GLB1L3: variants seen among roughly 807,000 people sequenced by gnomAD.
GLB1L3 encodes the protein galactosidase beta 1 like 3, also known as beta-galactosidase-1-like protein 3.
In GLB1L3, 89 loss-of-function variants were observed where a neutral mutation model predicts 89.5. That is an observed-to-expected ratio of 0.99 (90% confidence interval 0.84 to 1.19). The LOEUF (loss-of-function observed/expected upper bound fraction) is 1.19. Ranked by LOEUF, GLB1L3 falls within the 50% of genes most tolerant of loss-of-function variation. The pLI, the probability that GLB1L3 is intolerant of heterozygous loss-of-function variation, is 0.00. For synonymous variants in GLB1L3, 314 were observed against 312.3 expected, an observed-to-expected ratio of 1.01 and a Z score of -0.06; for missense variants, 812 against 813.3, an observed-to-expected ratio of 1.00 and a Z score of 0.02.
chr11:134,312,974 C>T (rs1365238518), intron 15 of GLB1L3, 87 bp downstream of exon 15: 3 of 919,162 alleles, frequency 3.3e-6, no homozygotes, highest in Non-Finnish European at 5.3e-6. Flanking sequence ...CCTCCCTTCT[C>T]CACCCCTGCT....
At chr11:134,284,730 AAAAAC>A (rs1940888496) in intron 6 of GLB1L3, among the ~76,000 whole-genome samples, 1 of 152,032 alleles carries the variant, frequency 6.6e-6, no homozygotes, top group Middle Eastern at 3.2e-3. Flanking sequence ...CTCTGTCTCA[AAAAAC>A]AAAACGAAAC....
At chr11:134,323,424 CAA>C (rs1285986334), downstream of GLB1L3, among the ~76,000 whole-genome samples, 1 of 141,282 alleles carries the variant, frequency 7.1e-6, no homozygotes, top group East Asian at 2.0e-4. Context: ...CACACACACA[CAA>C]TTAGTCGGCC....
chr11:134,290,388 C>T (rs1941280780), intron 7 of GLB1L3, among the ~76,000 whole-genome samples: 1 of 152,020 alleles, frequency 6.6e-6, no homozygotes, highest in Non-Finnish European at 1.5e-5. Flanking sequence ...GCCTGGCCAA[C>T]GTGTCAAAAC....
At chr11:134,319,759 T>C (rs985172973), downstream of GLB1L3, among the ~76,000 whole-genome samples, 2 of 145,248 alleles carry the variant, frequency 1.4e-5, no homozygotes, top group Non-Finnish European at 3.0e-5. Flanking sequence ...CGCGCGCGCG[T>C]GCATGTGTGT....
At chr11:134,289,223 T>A (rs1941199335) in intron 7 of GLB1L3, among the ~76,000 whole-genome samples, 1 of 151,972 alleles carries the variant, frequency 6.6e-6, no homozygotes, top group South Asian at 2.1e-4. Context: ...ACTAAGAAAA[T>A]CATAAGGAAC....
intron 3 of GLB1L3, among the ~76,000 whole-genome samples, chr11:134,279,364 C>CTTTTTTTTTTTTTTTTTT (rs10577769): frequency 4.6e-5 from 5 of 108,338 alleles, no homozygotes; most frequent in Admixed American, 1.1e-4. Context: ...TTTTCTTTTT[C>CTTTTTTTTTTTTTTTTTT]TTTTTTTTTT....
chr11:134,315,004 T>C (rs1942919366), intron 18 of GLB1L3, among the ~76,000 whole-genome samples: 1 of 152,218 alleles, frequency 6.6e-6, no homozygotes, highest in Non-Finnish European at 1.5e-5. Context: ...TTAAAAATAT[T>C]GTTGGCACCC....
At chr11:134,303,135 GT>G (rs1335237043) in intron 9 of GLB1L3, among the ~76,000 whole-genome samples, 1 of 152,156 alleles carries the variant, frequency 6.6e-6, no homozygotes, top group Non-Finnish European at 1.5e-5. Context: ...ACTTTTGTCT[GT>G]CATTGATATT....
intron 9 of GLB1L3, among the ~76,000 whole-genome samples, chr11:134,301,584 C>T (rs1415934249): frequency 6.6e-6 from 1 of 151,998 alleles, no homozygotes; most frequent in Non-Finnish European, 1.5e-5. Context: ...TAAGTTGTCT[C>T]TATTGCAAAT....
At position 134,277,363 on chromosome 11, in the gene GLB1L3, T is replaced by C; in HGVS notation, c.61T>C (p.Phe21Leu). Residue 21 changes from phenylalanine (F) to leucine (L), a missense_variant, in exon 2 of 20, where the codon TTC becomes CTC. By Grantham distance (22) the Phe-to-Leu change is conservative. Transcript: ENST00000431683. ...CTGGAAGAGAATGGCGGGCATCTTTTTCCTGCCATTTATCTCATCAGGTTT... is the reference window on the plus strand; with the variant it reads ...CTGGAAGAGAATGGCGGGCATCTTTCTCCTGCCATTTATCTCATCAGGTTT... ...LSWKRMAGIF[F>L]LPFISSGFAP... The C allele has an allele frequency of 1.2e-6, 2 of 1,613,966 alleles. No homozygotes were observed. The highest frequency in any genetic ancestry group is 1.7e-6 in the Non-Finnish European group (2 of 1,179,886).
In GLB1L3 at chr11:134,277,434, G is replaced by C. The variant is rs759102239; in HGVS notation, c.132G>C (p.Ala44=). 6 of 1,613,292 alleles carry C rather than the reference G, an allele frequency of 3.7e-6. No homozygotes were observed. Among genetic ancestry groups the C allele is most frequent in the Non-Finnish European group, 4.2e-6 (5 of 1,179,530 alleles). The part of the protein sequence containing the change: ...KQEENFMLGR[A]HPSQPRFNWS... ...AAGAGAACTTCATGCTTGGAAGAGC[G>C]CATCCGTCCCAGCCTAGGTTTGCTT... Residue 44 remains alanine, a synonymous_variant, in exon 2 of 20, where the codon GCG becomes GCC. Transcript: ENST00000431683.
At chr11:134,287,336 A>G (rs550459631) in intron 6 of GLB1L3, 7 of 152,360 alleles carry the variant, frequency 4.6e-5, no homozygotes, top group Non-Finnish European at 7.4e-5. Context: ...GGGTAAGTGA[A>G]ATGTAATGCC....
intron 9 of GLB1L3, chr11:134,305,086 A>G (rs1241935746): frequency 1.3e-6 from 2 of 1,548,394 alleles, no homozygotes; most frequent in South Asian, 1.2e-5. Context: ...ATCTTTACCC[A>G]TCTTCCTTTT....
rs756445958 is a variant in GLB1L3, at chr11:134,309,744, G to A, written c.1080G>A (p.Ser360=). 57 of 1,613,154 alleles carry A rather than the reference G, an allele frequency of 3.5e-5. No individual in the cohort carries two copies. The highest frequency in any genetic ancestry group is 1.7e-4 in the African/African-American group (13 of 74,856). ...MNGATYFGKH[S]GIVTSYDYDA... is the part of the protein sequence containing the mutation. The stretch of plus-strand genomic sequence containing the variant: ...GGGCCACATATTTCGGGAAGCACTC[G>A]GGCATTGTCACCAGCTATGGCAAGT... The change falls in exon 11 of 20, where the codon TCG becomes TCA. Residue 360 remains serine (S), a synonymous_variant. Transcript: ENST00000431683.
Position 134,288,815 on chromosome 11 carries a change from T to A in GLB1L3, c.654T>A (p.Pro218=), listed in dbSNP as rs1271337430. The A allele has an allele frequency of 3.1e-6, 5 of 1,613,200 alleles. No homozygotes were observed. The highest frequency in any genetic ancestry group is 4.2e-6 in the Non-Finnish European group (5 of 1,179,482). The change falls in exon 7 of 20, where the codon CCT becomes CCA. Residue 218 remains proline (P), a synonymous_variant. Transcript: ENST00000431683. ...TTTCTCAGTACCGCCAGGCAGGCCC[T>A]GTCATCGCGGTGCAAGTGGAGAATG... is the stretch of plus-strand genomic sequence containing the variant. ...VIPLQYRQAG[P]VIAVQVENEY... is the part of the protein sequence containing the mutation.
At chr11:134,308,651 AT>A (rs1565414845) in intron 10 of GLB1L3, among the ~76,000 whole-genome samples, 3 of 149,680 alleles carry the variant, frequency 2.0e-5, no homozygotes, top group Admixed American at 2.0e-4. Flanking sequence ...CATCACCACC[AT>A]CATCACCACC....
rs78332159 is a variant in GLB1L3, at chr11:134,313,570, G to C, written c.1579+96G>C. The C allele has an allele frequency of 1.0e-3, 1,098 of 1,046,864 alleles. 8 individuals are homozygous for C. The African/African-American group carries it at 0.013, about 13-fold the overall frequency. 64.8% of individuals were successfully genotyped at this position (1,046,864 alleles called of 1,614,324 possible). The stretch of plus-strand genomic sequence containing the variant: ...GCGGGAGAGGGTGGGGAAACCAGCC[G>C]CTCAGCAGTGGGCTACCCAGGCCCT... On this transcript the variant is annotated intron_variant, in intron 16 of 19. Coordinates refer to ENST00000431683, the MANE Select transcript of GLB1L3 (RefSeq NM_001080407.3).
chr11:134,308,681 A>G (rs1408960710), intron 10 of GLB1L3, among the ~76,000 whole-genome samples: 2 of 151,808 alleles, frequency 1.3e-5, no homozygotes, highest in Non-Finnish European at 2.9e-5. Flanking sequence ...CACCAACACC[A>G]CCACCACCAC....
chr11:134,300,174 A>G (rs1012470027), intron 9 of GLB1L3, among the ~76,000 whole-genome samples: 5 of 151,972 alleles, frequency 3.3e-5, no homozygotes, highest in African/African-American at 1.2e-4. Context: ...CTGGCAGGGT[A>G]GGTTTCTTCT....
Sources: gnomAD v4.1 joint callset for allele counts (sites outside exome capture counted in the v4.1 genomes callset) on GRCh38, gnomAD v4.1.1 for gene constraint, MANE v1.5 for transcripts, NCBI Gene and HGNC (gene_info 2026-07-23, HGNC 2026-07-21) for gene names.